PTPRJ: variants seen among roughly 807,000 people sequenced by gnomAD.
PTPRJ encodes receptor-type tyrosine-protein phosphatase eta.
In PTPRJ, 129 loss-of-function variants were observed where a neutral mutation model predicts 141.3. The ratio of observed to expected loss-of-function variants is 0.91; its 90% CI spans 0.79 to 1.06. PTPRJ has a LOEUF of 1.06. Ranked by LOEUF, PTPRJ falls within the 50% of genes least tolerant of loss-of-function variation. The probability of loss-of-function intolerance (pLI) is 0.00; values close to 1 mark genes in which losing one functional copy is unlikely to be tolerated. For synonymous variants in PTPRJ, 610 were observed against 640.5 expected (o/e 0.95, Z 0.72); for missense variants, 1,601 against 1,679.7 (o/e 0.95, Z 0.82).
intron 1 of PTPRJ, among the ~76,000 whole-genome samples, chr11:48,047,498 A>ATTTTTTTTTTTTTTTTT (rs58387057): frequency 1.4e-5 from 2 of 146,616 alleles, no homozygotes; most frequent in Non-Finnish European, 1.5e-5. Context: ...ACCTATGGTA[A>ATTTTTTTTTTTTTTTTT]TTTTTTTTTT....
At chr11:47,988,324 T>G (rs956145021) in intron 1 of PTPRJ, among the ~76,000 whole-genome samples, 1 of 151,812 alleles carries the variant, frequency 6.6e-6, no homozygotes, top group Non-Finnish European at 1.5e-5. Flanking sequence ...CAGAAGGTTT[T>G]TTTAAAATTT....
intron 1 of PTPRJ, among the ~76,000 whole-genome samples, chr11:48,075,258 T>C (rs1967211): frequency 0.65 from 98,207 of 151,688 alleles, 33,848 homozygotes; most frequent in East Asian, 0.81. Flanking sequence ...ATTTTCCTGC[T>C]TCAGCCTCCT....
chr11:48,056,668 G>A (rs191369522), intron 1 of PTPRJ, among the ~76,000 whole-genome samples: 5 of 152,178 alleles, frequency 3.3e-5, no homozygotes, highest in Admixed American at 2.0e-4. Flanking sequence ...GCTAAAACTC[G>A]GCAGCCAGGT....
intron 1 of PTPRJ, among the ~76,000 whole-genome samples, chr11:48,021,924 T>G (rs1238927113): frequency 2.6e-5 from 4 of 152,228 alleles, no homozygotes; most frequent in Non-Finnish European, 4.4e-5. Context: ...TGATTCCTTC[T>G]GGCAAACTCT....
chr11:48,086,339 T>C (rs758879194), intron 1 of PTPRJ, among the ~76,000 whole-genome samples: 1 of 152,120 alleles, frequency 6.6e-6, no homozygotes, highest in African/African-American at 2.4e-5. Context: ...GCCTGGTTGA[T>C]TTTTGTAGTT....
At chr11:48,058,652 G>A (rs185225164) in intron 1 of PTPRJ, among the ~76,000 whole-genome samples, 2 of 152,096 alleles carry the variant, frequency 1.3e-5, no homozygotes, top group East Asian at 1.9e-4. Flanking sequence ...AGCCACCATC[G>A]TCTCTCACCT....
intron 1 of PTPRJ, among the ~76,000 whole-genome samples, chr11:47,983,115 C>T (rs1853956679): frequency 1.3e-5 from 2 of 152,158 alleles, no homozygotes; most frequent in Admixed American, 1.3e-4. Context: ...TGAGGTCACC[C>T]AGCAAGGTAT....
chr11:48,078,534 A>G (rs931753535), intron 1 of PTPRJ, among the ~76,000 whole-genome samples: 4 of 152,162 alleles, frequency 2.6e-5, no homozygotes, highest in Admixed American at 1.3e-4. Context: ...ACTTTTAGGA[A>G]GAGTAGGAGT....
intron 1 of PTPRJ, among the ~76,000 whole-genome samples, chr11:48,035,520 T>C (rs1854098149): frequency 6.7e-6 from 1 of 150,228 alleles, no homozygotes; most frequent in Admixed American, 6.7e-5. Context: ...TTCTTTCTTT[T>C]CTTTTTTCTT....
chr11:48,064,925 G>T (rs1265470461), intron 1 of PTPRJ, among the ~76,000 whole-genome samples: 2 of 151,356 alleles, frequency 1.3e-5, no homozygotes, highest in Non-Finnish European at 2.9e-5. Context: ...CCGGCTCTGA[G>T]CTGCAAATTT....
At chr11:48,112,241 T>C (rs1454141519) in intron 2 of PTPRJ, among the ~76,000 whole-genome samples, 2 of 152,202 alleles carry the variant, frequency 1.3e-5, no homozygotes, top group African/African-American at 4.8e-5. Context: ...ACATGCAACA[T>C]CTAGCTGCAT....
intron 1 of PTPRJ, among the ~76,000 whole-genome samples, chr11:47,989,992 A>G (rs1854147606): frequency 6.6e-6 from 1 of 152,242 alleles, no homozygotes; most frequent in Non-Finnish European, 1.5e-5. Context: ...TGATCATATT[A>G]TGCTAAAATT....
At chr11:48,034,634 CTAGGAGG>C (rs1854072589) in intron 1 of PTPRJ, among the ~76,000 whole-genome samples, 1 of 151,970 alleles carries the variant, frequency 6.6e-6, no homozygotes, top group Non-Finnish European at 1.5e-5. Flanking sequence ...CACAGCAGCC[CTAGGAGG>C]TAGGTACTAT....
At chr11:47,994,774 T>A (rs995821433) in intron 1 of PTPRJ, among the ~76,000 whole-genome samples, 7 of 152,132 alleles carry the variant, frequency 4.6e-5, no homozygotes, top group Admixed American at 3.9e-4. Context: ...TGCTGGAGGG[T>A]CTCTGTTGCT....
Position 48,071,695 on chromosome 11 carries a change from A to G in PTPRJ, c.97-38363A>G, listed in dbSNP as rs1445417482. Among the ~76,000 whole-genome samples, 114 of 96,090 alleles carry G rather than the reference A, an allele frequency of 1.2e-3. No individual in the cohort carries two copies. In the Middle Eastern group the frequency reaches 0.03, roughly 25 times the overall value. 63.0% of individuals were successfully genotyped at this position (96,090 alleles called of 152,430 possible). A position where few individuals can be genotyped will look rare whatever the true frequency, so the allele number is the denominator to read the frequency against. On this transcript the variant is annotated intron_variant, in intron 1 of 24. Coordinates refer to ENST00000418331, the MANE Select transcript of PTPRJ (RefSeq NM_002843.4). The stretch of plus-strand genomic sequence containing the variant: ...GCCATCTTGGCTCACTGCAACCTCC[A>G]CCTCCCGGGTTCAAGCAATTCTCCT...
intron 1 of PTPRJ, among the ~76,000 whole-genome samples, chr11:47,985,494 A>G (rs1228015): frequency 0.034 from 5,151 of 152,162 alleles, 290 homozygotes; most frequent in African/African-American, 0.12. Flanking sequence ...ACTTAACTGT[A>G]TACTTCTGGA....
At chr11:48,082,255 A>G (rs1233938969) in intron 1 of PTPRJ, among the ~76,000 whole-genome samples, 1 of 152,072 alleles carries the variant, frequency 6.6e-6, no homozygotes, top group Non-Finnish European at 1.5e-5. Context: ...ACTTATTTGG[A>G]GACATGGTCT....
At chr11:48,009,875 G>C (rs949899126) in intron 1 of PTPRJ, among the ~76,000 whole-genome samples, 2 of 152,208 alleles carry the variant, frequency 1.3e-5, no homozygotes, top group Non-Finnish European at 2.9e-5. Context: ...TTCATGTGCC[G>C]TGGCTCTGAT....
intron 22 of PTPRJ, 137 bp downstream of exon 22, chr11:48,160,186 G>C (rs1590570465): frequency 8.0e-7 from 1 of 1,256,538 alleles, no homozygotes; most frequent in Middle Eastern, 2.8e-4. Context: ...TTTCAGAACA[G>C]AACAATCCAT....
Sources: gnomAD v4.1 joint callset for allele counts (sites outside exome capture counted in the v4.1 genomes callset) on GRCh38, gnomAD v4.1.1 for gene constraint, MANE v1.5 for transcripts, NCBI Gene and HGNC (gene_info 2026-07-23, HGNC 2026-07-21) for gene names.